The following RTN4IP1 variants were observed in gnomAD, a reference collection of about 807,000 sequenced individuals.
The protein encoded by RTN4IP1 is reticulon 4 interacting protein 1.
Under a neutral mutation model 46.6 loss-of-function variants are expected in RTN4IP1, and 32 were observed. The ratio of observed to expected loss-of-function variants is 0.69; its 90% CI spans 0.52 to 0.92. The LOEUF (loss-of-function observed/expected upper bound fraction) is 0.92, where lower values mean the gene tolerates loss of function less well. RTN4IP1 is among the 40% of genes least tolerant of loss of function. RTN4IP1 has a pLI of 0.00. For missense variants in RTN4IP1, 424 were observed against 485.8 expected, an observed-to-expected ratio of 0.87 and a Z score of 1.20; for synonymous variants, 167 against 161.8, an observed-to-expected ratio of 1.03 and a Z score of -0.24.
intron 7 of RTN4IP1, among the ~76,000 whole-genome samples, chr6:106,586,301 A>G (rs1775482402): frequency 6.6e-6 from 1 of 152,226 alleles, no homozygotes; most frequent in Non-Finnish European, 1.5e-5. Context: ...AGCGACTCAC[A>G]GCCTTTTTAC....
At chr6:106,580,522 C>CA (rs1775340330) in intron 8 of RTN4IP1, among the ~76,000 whole-genome samples, 1 of 151,980 alleles carries the variant, frequency 6.6e-6, no homozygotes, top group Non-Finnish European at 1.5e-5. Flanking sequence ...AGTTCAAGAC[C>CA]AGTACAGCCA....
At chr6:106,591,205 C>G (rs1358813227) in intron 6 of RTN4IP1, among the ~76,000 whole-genome samples, 1 of 152,150 alleles carries the variant, frequency 6.6e-6, no homozygotes, top group African/African-American at 2.4e-5. Context: ...ACCACTAAAA[C>G]CGCCCAAACA....
intron 7 of RTN4IP1, among the ~76,000 whole-genome samples, chr6:106,584,691 G>A (rs4946769): frequency 0.93 from 141,301 of 152,312 alleles, 66,105 homozygotes; most frequent in Non-Finnish European, 1. Flanking sequence ...TCACACATAG[G>A]AAGTATTCTA....
At chr6:106,623,096 A>G in intron 1 of RTN4IP1, 127 bp from the exon 2 acceptor site, 1 of 883,578 alleles carries the variant, frequency 1.1e-6, no homozygotes, top group Non-Finnish European at 1.7e-6. Context: ...TCCATTACAA[A>G]GACACATAAG....
intron 7 of RTN4IP1, among the ~76,000 whole-genome samples, chr6:106,583,993 G>C (rs1287201912): frequency 1.3e-5 from 2 of 152,144 alleles, no homozygotes; most frequent in African/African-American, 4.8e-5. Context: ...TATGGTTATG[G>C]CAAATACAAA....
intron 4 of RTN4IP1, among the ~76,000 whole-genome samples, chr6:106,612,382 G>A (rs1307610011): frequency 7.8e-5 from 5 of 63,866 alleles, no homozygotes; most frequent in East Asian, 8.7e-4. Flanking sequence ...GCAAGACTCC[G>A]TCAAAAAAAA....
chr6:106,622,539 T>C (rs1425965464), intron 2 of RTN4IP1, among the ~76,000 whole-genome samples: 1 of 152,226 alleles, frequency 6.6e-6, no homozygotes, highest in Admixed American at 6.5e-5. Flanking sequence ...TGATCTTTCA[T>C]GGATGCATGA....
At chr6:106,574,946 T>C (rs1360646468) in intron 8 of RTN4IP1, among the ~76,000 whole-genome samples, 1 of 152,140 alleles carries the variant, frequency 6.6e-6, no homozygotes, top group Non-Finnish European at 1.5e-5. Context: ...AATGAGTCAT[T>C]CAGCAATTCC....
chr6:106,624,495 G>A (rs1776581261), intron 1 of RTN4IP1, among the ~76,000 whole-genome samples: 1 of 151,762 alleles, frequency 6.6e-6, no homozygotes, highest in South Asian at 2.1e-4. Flanking sequence ...GATTACAGGT[G>A]TGCGCCACGT....
intron 8 of RTN4IP1, among the ~76,000 whole-genome samples, chr6:106,580,596 G>A (rs1023510026): frequency 6.6e-6 from 1 of 151,784 alleles, no homozygotes; most frequent in African/African-American, 2.4e-5. Context: ...GTGGGCACCT[G>A]TAATCCCAGC....
Position 106,628,734 on chromosome 6 carries a change from T to C in RTN4IP1, c.274+14A>G, listed in dbSNP as rs758758161. ...TTTTTTTAAAAAAGGTAACAATGTC[T>C]TTTGAAAACTTACTTCTCATATTAA... On this transcript the variant is annotated intron_variant, in intron 1 of 8. Transcript: ENST00000369063. 1.3e-6 allele frequency: 2 copies of C among 1,590,774 alleles called. No individual in the cohort carries two copies. The highest frequency in any genetic ancestry group is 1.7e-5 in the Admixed American group (1 of 57,974).
chr6:106,608,214 T>G (rs999883806), intron 4 of RTN4IP1, among the ~76,000 whole-genome samples: 1 of 152,162 alleles, frequency 6.6e-6, no homozygotes, highest in African/African-American at 2.4e-5. Flanking sequence ...GACATTATGT[T>G]AAGTGAAATA....
intron 5 of RTN4IP1, among the ~76,000 whole-genome samples, chr6:106,600,150 C>T (rs1485838483): frequency 6.6e-6 from 1 of 152,068 alleles, no homozygotes; most frequent in Non-Finnish European, 1.5e-5. Flanking sequence ...CATCTGGGTT[C>T]TCAAAAAGTC....
intron 8 of RTN4IP1, among the ~76,000 whole-genome samples, chr6:106,572,754 G>T (rs1025648271): frequency 1.3e-5 from 2 of 151,932 alleles, no homozygotes; most frequent in African/African-American, 4.8e-5. Flanking sequence ...GCTCCTTACA[G>T]AGAGTGCATG....
chr6:106,579,617 G>A (rs1053376440), intron 8 of RTN4IP1, among the ~76,000 whole-genome samples: 25 of 152,004 alleles, frequency 1.6e-4, no homozygotes, highest in Admixed American at 5.2e-4. Context: ...GCAAAGGTAG[G>A]GTTGTTGTTC....
intron 4 of RTN4IP1, among the ~76,000 whole-genome samples, chr6:106,618,275 T>A (rs535345608): frequency 6.1e-4 from 85 of 139,210 alleles, no homozygotes; most frequent in Non-Finnish European, 1.1e-3. Flanking sequence ...AACACAATCC[T>A]TAGTAATAAA....
chr6:106,605,341 G>A (rs777084492), intron 4 of RTN4IP1, among the ~76,000 whole-genome samples: 15 of 151,654 alleles, frequency 9.9e-5, no homozygotes, highest in African/African-American at 1.7e-4. Flanking sequence ...CATGAGAATC[G>A]TTTGAACCCA....
chr6:106,571,807 G>T lies in RTN4IP1; in HGVS notation c.*189C>A. 2 of 524,050 alleles carry T rather than the reference G, an allele frequency of 3.8e-6. No homozygotes were observed. The highest frequency in any genetic ancestry group is 6.8e-6 in the Non-Finnish European group (2 of 293,514). 32.5% of individuals were successfully genotyped at this position (524,050 alleles called of 1,614,324 possible). On this transcript the variant is annotated 3_prime_UTR_variant, in exon 9 of 9. Transcript: ENST00000369063. ...AAACTTCGAATTTCTACTGACTACAGACAAATCCAAGTGCTGATATTTTTA... is the reference window on the plus strand; with the variant it reads ...AAACTTCGAATTTCTACTGACTACATACAAATCCAAGTGCTGATATTTTTA...
chr6:106,608,356 G>A (rs1384135522), intron 4 of RTN4IP1, among the ~76,000 whole-genome samples: 1 of 152,194 alleles, frequency 6.6e-6, no homozygotes, highest in East Asian at 1.9e-4. Flanking sequence ...GAAGAACAGG[G>A]TGAGGTTGGT....
Sources: gnomAD v4.1 joint callset for allele counts (sites outside exome capture counted in the v4.1 genomes callset) on GRCh38, gnomAD v4.1.1 for gene constraint, MANE v1.5 for transcripts, NCBI Gene and HGNC (gene_info 2026-07-23, HGNC 2026-07-21) for gene names.